Variants in NPIPB2 observed in about 807,000 individuals in gnomAD.
NPIPB2 encodes nuclear pore complex-interacting protein family member B2.
NPIPB2 carries 27 observed loss-of-function variants against 30.8 expected under a neutral mutation model. The observed-to-expected ratio is 0.88, with a 90% confidence interval of 0.65 to 1.21. NPIPB2 has a LOEUF of 1.21. Ranked by LOEUF, NPIPB2 falls within the 50% of genes most tolerant of loss-of-function variation. The pLI, the probability that NPIPB2 is intolerant of heterozygous loss-of-function variation, is 0.00. For synonymous variants in NPIPB2, 147 were observed against 162.0 expected, an observed-to-expected ratio of 0.91 and a Z score of 0.70; for missense variants, 440 against 446.2, an observed-to-expected ratio of 0.99 and a Z score of 0.13.
At chr16:11,966,421 G>T (rs987836894) in intron 1 of NPIPB2, 5 of 1,435,810 alleles carry the variant, frequency 3.5e-6, no homozygotes, top group Non-Finnish European at 2.9e-6. Flanking sequence ...TTTTTTTAGC[G>T]TTGACTATTT....
At chr16:11,957,322 G>A (rs116959098) in intron 1 of NPIPB2, among the ~76,000 whole-genome samples, 6,090 of 152,020 alleles carry the variant, frequency 0.04, 156 homozygotes, top group Middle Eastern at 0.082. Flanking sequence ...GTGACACCAC[G>A]CCCGGCTAAG....
chr16:11,935,350 C>G (rs1216016788), intron 2 of NPIPB2, among the ~76,000 whole-genome samples: 1 of 152,050 alleles, frequency 6.6e-6, no homozygotes, highest in African/African-American at 2.4e-5. Flanking sequence ...GAGTGTCACT[C>G]TCAACCATGC....
At chr16:11,948,533 G>A (rs776539082) in intron 1 of NPIPB2, among the ~76,000 whole-genome samples, 12 of 152,164 alleles carry the variant, frequency 7.9e-5, no homozygotes, top group Middle Eastern at 3.4e-3. Flanking sequence ...TTGGGAGCCC[G>A]AGGCGGATGG....
At chr16:11,951,460 C>CAAAAAAAAAAAAAA (rs144775580) in intron 1 of NPIPB2, among the ~76,000 whole-genome samples, 1 of 49,800 alleles carries the variant, frequency 2.0e-5, no homozygotes, top group African/African-American at 8.9e-5. Context: ...AAGACTGTCT[C>CAAAAAAAAAAAAAA]AAAAAAAAAA....
chr16:11,961,780 A>G (rs113614859), intron 1 of NPIPB2, among the ~76,000 whole-genome samples: 1 of 141,356 alleles, frequency 7.1e-6, no homozygotes, highest in Non-Finnish European at 1.6e-5. Context: ...ACCCTGTTTA[A>G]AAAAAAAAAA....
chr16:11,959,684 T>C (rs1396484070), intron 1 of NPIPB2, among the ~76,000 whole-genome samples: 2 of 152,250 alleles, frequency 1.3e-5, no homozygotes, highest in Non-Finnish European at 2.9e-5. Flanking sequence ...ATTTTGTCTA[T>C]TGCCAGAGAC....
chr16:11,965,156 C>T, intron 1 of NPIPB2: 2 of 756,596 alleles, frequency 2.6e-6, no homozygotes, highest in Non-Finnish European at 4.3e-6. Context: ...AAATCCTTAG[C>T]TGCCGCGAAG....
intron 1 of NPIPB2, chr16:11,968,368 T>G (rs1183920177): frequency 6.5e-6 from 1 of 154,318 alleles, no homozygotes; most frequent in Non-Finnish European, 1.4e-5. Context: ...TCCCAGCTAC[T>G]CAGGAGGCTG....
intron 1 of NPIPB2, among the ~76,000 whole-genome samples, chr16:11,971,227 C>T (rs1373142013): frequency 1.3e-5 from 2 of 152,104 alleles, no homozygotes; most frequent in Non-Finnish European, 2.9e-5. Context: ...GGGTCAAACT[C>T]TAAAACATGT....
intron 1 of NPIPB2, among the ~76,000 whole-genome samples, chr16:11,972,910 C>A (rs1470544103): frequency 6.6e-6 from 1 of 151,816 alleles, no homozygotes; most frequent in East Asian, 1.9e-4. Flanking sequence ...CCTGTAATCC[C>A]AGCACTTTGG....
intron 1 of NPIPB2, chr16:11,967,632 A>C: frequency 6.2e-7 from 1 of 1,614,192 alleles, no homozygotes; most frequent in Non-Finnish European, 8.5e-7. Context: ...TGATGAAATT[A>C]TTCTTCCGAG....
At chr16:11,953,862 G>C (rs2055088763) in intron 1 of NPIPB2, among the ~76,000 whole-genome samples, 1 of 151,578 alleles carries the variant, frequency 6.6e-6, no homozygotes, top group Non-Finnish European at 1.5e-5. Flanking sequence ...TTTTAGTAGA[G>C]ACGGGATTTC....
intron 1 of NPIPB2, chr16:11,956,374 C>T (rs1457768392): frequency 1.3e-5 from 2 of 152,280 alleles, no homozygotes; most frequent in Non-Finnish European, 2.9e-5. Context: ...CAGTAGCCAT[C>T]TGGATGAGAA....
At chr16:11,933,417 G>A (rs1476792729) in intron 4 of NPIPB2, 100 bp downstream of exon 4, 17 of 1,536,260 alleles carry the variant, frequency 1.1e-5, no homozygotes, top group East Asian at 2.2e-5. Context: ...CACTGAATTT[G>A]CCACAAATAT....
chr16:11,952,565 C>CTT (rs3031202), intron 1 of NPIPB2, among the ~76,000 whole-genome samples: 2 of 109,884 alleles, frequency 1.8e-5, no homozygotes, highest in African/African-American at 6.1e-5. Flanking sequence ...CTTTCTTTCT[C>CTT]TTTTTTTTTT....
At chr16:11,960,342 G>C (rs939303180) in intron 1 of NPIPB2, among the ~76,000 whole-genome samples, 9 of 149,214 alleles carry the variant, frequency 6.0e-5, no homozygotes, top group African/African-American at 2.2e-4. Context: ...TGGCTTCCCA[G>C]GTATGGTTCC....
upstream of NPIPB2, among the ~76,000 whole-genome samples, chr16:11,945,639 G>A (rs1445124557): frequency 4.0e-5 from 6 of 151,196 alleles, no homozygotes; most frequent in Non-Finnish European, 1.5e-5. Flanking sequence ...AATCGTGCCA[G>A]TGCAATCCAG....
At chr16:11,967,911 G>A in intron 1 of NPIPB2, 1 of 1,554,954 alleles carries the variant, frequency 6.4e-7, no homozygotes, top group Non-Finnish European at 8.7e-7. Flanking sequence ...TGATGTGTCA[G>A]ATCTCTTTAG....
chr16:11,967,928 T>A, intron 1 of NPIPB2: 1 of 1,491,806 alleles, frequency 6.7e-7, no homozygotes, highest in Middle Eastern at 2.1e-4. Context: ...TTAGGATGAC[T>A]GTATTTTTCA....
Sources: gnomAD v4.1 joint callset for allele counts (sites outside exome capture counted in the v4.1 genomes callset) on GRCh38, gnomAD v4.1.1 for gene constraint, MANE v1.5 for transcripts, NCBI Gene and HGNC (gene_info 2026-07-23, HGNC 2026-07-21) for gene names.